The following AXDND1 variants were observed in gnomAD, a reference collection of about 807,000 sequenced individuals.
The protein encoded by AXDND1 is axonemal dynein light chain domain containing 1, also known as axonemal dynein light chain domain-containing protein 1.
A neutral mutation model predicts 137.5 loss-of-function variants in AXDND1; 110 were observed. The observed-to-expected ratio is 0.80, with a 90% confidence interval of 0.69 to 0.94. The LOEUF is 0.94. Ranked by LOEUF, AXDND1 falls within the 40% of genes least tolerant of loss-of-function variation. The pLI is 0.00. For synonymous variants in AXDND1, 414 were observed against 399.7 expected (o/e 1.04, Z -0.43); for missense variants, 1,191 against 1,169.8 (o/e 1.02, Z -0.26).
chr1:179,406,402 G>A (rs138917188), intron 11 of AXDND1, among the ~76,000 whole-genome samples: 1,656 of 152,206 alleles, frequency 0.011, 46 homozygotes, highest in African/African-American at 0.038. Flanking sequence ...TAAATCCAAT[G>A]TTTCTTTGTT....
intron 12 of AXDND1, among the ~76,000 whole-genome samples, chr1:179,428,300 G>A (rs1656873007): frequency 6.6e-6 from 1 of 152,210 alleles, no homozygotes; most frequent in Non-Finnish European, 1.5e-5. Flanking sequence ...TAGAGAGCTG[G>A]CCCCTGGTAG....
At chr1:179,543,787 A>G (rs964460640) in intron 25 of AXDND1, 7 of 152,340 alleles carry the variant, frequency 4.6e-5, no homozygotes, top group African/African-American at 9.7e-5. Context: ...CCAATAACCA[A>G]TTTAGAGTCA....
chr1:179,534,504 T>G (rs1014156647), intron 24 of AXDND1: 5 of 414,132 alleles, frequency 1.2e-5, no homozygotes, highest in Non-Finnish European at 2.0e-5. Context: ...TACTAAGAAG[T>G]GATAAATATA....
Position 179,509,346 on chromosome 1 carries a change from C to G in AXDND1, c.2439C>G (p.Ile813Met), listed in dbSNP as rs779285693. The G allele has an allele frequency of 6.2e-7, 1 of 1,612,750 alleles. No individual in the cohort carries two copies. The highest frequency in any genetic ancestry group is 8.5e-7 in the Non-Finnish European group (1 of 1,179,082). Residue 813 changes from isoleucine to methionine, a missense_variant, in exon 21 of 26, where the codon ATC becomes ATG. By Grantham distance (10) the Ile-to-Met change is conservative. Coordinates refer to ENST00000367618, the MANE Select transcript of AXDND1 (RefSeq NM_144696.6). ...INTCSCLLSN[I>M]KGRKITLLTY... ...CATGCTCTTGCCTCCTTTCTAATAT[C>G]AAAGGCAGAAAAATTACATTATTGA...
chr1:179,449,131 C>T (rs1433517921), intron 16 of AXDND1: 13 of 454,348 alleles, frequency 2.9e-5, no homozygotes, highest in Admixed American at 2.6e-4. Context: ...AGCGATCATC[C>T]CACTTCAGCC....
intron 25 of AXDND1, among the ~76,000 whole-genome samples, chr1:179,543,039 T>G (rs1053111791): frequency 2.6e-5 from 4 of 152,098 alleles, no homozygotes; most frequent in Admixed American, 6.5e-5. Context: ...TTGAAAAAAA[T>G]GCAGATACCT....
At chr1:179,539,501 A>C (rs918053349) in intron 25 of AXDND1, among the ~76,000 whole-genome samples, 1 of 152,164 alleles carries the variant, frequency 6.6e-6, no homozygotes, top group Non-Finnish European at 1.5e-5. Context: ...TTTCTTTAAG[A>C]ATGTTGAATA....
Position 179,390,017 on chromosome 1 carries a change from GT to G in AXDND1, c.864-3870del, listed in dbSNP as rs35107498. Reference sequence around the variant, plus strand: ...GGCTTAGGGTGTAACACCTAGATCAGTTTTTTTTTTTTTTTTAAGACAGTCT... The same window carrying G: ...GGCTTAGGGTGTAACACCTAGATCAGTTTTTTTTTTTTTTTAAGACAGTCT... On this transcript the variant is annotated intron_variant, in intron 9 of 25. Transcript: ENST00000367618. Among the ~76,000 whole-genome samples, 400 of 140,840 alleles carry G rather than the reference GT, an allele frequency of 2.8e-3. 2 individuals carry two copies. Among genetic ancestry groups the G allele is most frequent in the African/African-American group, 5.4e-3 (206 of 38,162 alleles). 92.4% of individuals were successfully genotyped at this position (140,840 alleles called of 152,430 possible).
In AXDND1 at chr1:179,404,473, C is replaced by T. The variant is rs567668769; in HGVS notation, c.1110-6673C>T. Among the ~76,000 whole-genome samples, 15 of 136,180 alleles carry T rather than the reference C, an allele frequency of 1.1e-4. No homozygotes were observed. In the East Asian group the frequency reaches 1.4e-3, roughly 12 times the overall value. The allele number at this position is 136,180 out of a possible 152,430, so 89.3% of individuals were successfully genotyped here. ...CTGACCTCAGGTGATCCCTCTGCCT[C>T]GCCCTCCCAAAGTGCTGGAATTACA... On this transcript the variant is annotated intron_variant, in intron 11 of 25. Transcript: ENST00000367618.
intron 23 of AXDND1, among the ~76,000 whole-genome samples, chr1:179,529,490 C>G (rs894649033): frequency 2.0e-5 from 3 of 152,164 alleles, no homozygotes; most frequent in African/African-American, 7.2e-5. Flanking sequence ...AGCTCATATA[C>G]CATCCTGAGG....
intron 15 of AXDND1, among the ~76,000 whole-genome samples, chr1:179,432,777 A>C (rs1179299806): frequency 1.3e-5 from 2 of 151,772 alleles, no homozygotes; most frequent in African/African-American, 4.8e-5. Flanking sequence ...GGTGGCTCAC[A>C]CCTGTAATTC....
At position 179,444,932 on chromosome 1, in the gene AXDND1, G is replaced by A. The variant is rs753162938; in HGVS notation, c.1564-38G>A. 122 of 1,434,246 alleles carry A rather than the reference G, an allele frequency of 8.5e-5. 1 individual carries two copies. Among genetic ancestry groups the A allele is most frequent in the Admixed American group, 4.6e-4 (25 of 54,814 alleles). The allele number at this position is 1,434,246 out of a possible 1,614,324, so 88.8% of individuals were successfully genotyped here. On this transcript the variant is annotated intron_variant, in intron 15 of 25. Transcript: ENST00000367618. ...GTAGACTTTGATAAACTCATTAGTG[G>A]ATAATATGCTACTCTCCCTCTTCCT...
At chr1:179,384,285 G>A (rs1648849066) in intron 8 of AXDND1, among the ~76,000 whole-genome samples, 1 of 152,006 alleles carries the variant, frequency 6.6e-6, no homozygotes, top group Non-Finnish European at 1.5e-5. Flanking sequence ...ACTTTGTTCT[G>A]AACCATTTAG....
At chr1:179,432,808 C>T (rs988213394) in intron 15 of AXDND1, among the ~76,000 whole-genome samples, 5 of 151,848 alleles carry the variant, frequency 3.3e-5, no homozygotes, top group African/African-American at 1.2e-4. Context: ...GAGGCTGAGG[C>T]AGGAGAATCA....
rs758873487 is a variant in AXDND1, at chr1:179,393,946, A to G, written c.907A>G (p.Ile303Val). Residue 303 changes from isoleucine (I) to valine (V), a missense_variant, in exon 10 of 26, where the codon ATT (isoleucine) becomes GTT (valine). Physicochemically the swap from Ile to Val is conservative, Grantham distance 29. Coordinates refer to ENST00000367618, the MANE Select transcript of AXDND1 (RefSeq NM_144696.6). ...QMLDQIARQMIDFYKDLVTQR... is the reference protein window; with the variant it reads ...QMLDQIARQMVDFYKDLVTQR... ...GCTTGACCAGATTGCTCGGCAGATG[A>G]TTGATTTCTACAAAGACTTGGTAAC... The G allele has an allele frequency of 4.3e-6, 7 of 1,612,144 alleles. No individual in the cohort carries two copies. The highest frequency in any genetic ancestry group is 4.0e-5 in the African/African-American group (3 of 74,780).
At chr1:179,426,139 CTCTT>C (rs751725932) in intron 12 of AXDND1, among the ~76,000 whole-genome samples, 2 of 152,086 alleles carry the variant, frequency 1.3e-5, no homozygotes, top group African/African-American at 2.4e-5. Flanking sequence ...CTGGCCAAAG[CTCTT>C]TCTAAGTATG....
chr1:179,525,477 CTACATACATACA>C (rs5779031), intron 22 of AXDND1, 30 bp downstream of exon 22: 13 of 1,473,760 alleles, frequency 8.8e-6, no homozygotes, highest in Admixed American at 4.1e-5. Flanking sequence ...GTTTTTCCTC[CTACATACATACA>C]TACATACATA....
intron 9 of AXDND1, among the ~76,000 whole-genome samples, chr1:179,390,428 C>A (rs1032153272): frequency 6.6e-6 from 1 of 152,284 alleles, no homozygotes; most frequent in South Asian, 2.1e-4. Context: ...GAAATGACTT[C>A]TTTGTATTAA....
chr1:179,429,587 A>T lies in AXDND1; in HGVS notation c.1300A>T (p.Thr434Ser), dbSNP rs757365328. 1.9e-6 allele frequency: 3 copies of T among 1,578,024 alleles called. No individual in the cohort carries two copies. Among genetic ancestry groups the T allele is most frequent in the Admixed American group, 1.9e-5 (1 of 51,976 alleles). ...YLNEKGWNKYTKHFIILLSNK... is the reference protein window; with the variant it reads ...YLNEKGWNKYSKHFIILLSNK... ...TAATGAAAAAGGCTGGAATAAATACACTAAGCATTTCATCATACTGCTATC... is the reference window on the plus strand; with the variant it reads ...TAATGAAAAAGGCTGGAATAAATACTCTAAGCATTTCATCATACTGCTATC... The change falls in exon 13 of 26, where the codon ACT becomes TCT. Residue 434 changes from threonine to serine, a missense_variant. Thr to Ser is a moderately conservative substitution (Grantham distance 58, BLOSUM62 1). Coordinates refer to ENST00000367618, the MANE Select transcript of AXDND1 (RefSeq NM_144696.6).
Sources: gnomAD v4.1 joint callset for allele counts (sites outside exome capture counted in the v4.1 genomes callset) on GRCh38, gnomAD v4.1.1 for gene constraint, MANE v1.5 for transcripts, NCBI Gene and HGNC (gene_info 2026-07-23, HGNC 2026-07-21) for gene names.